Variants in ADCY5 observed in about 807,000 individuals in gnomAD.
ADCY5 encodes the protein adenylate cyclase 5.
A neutral mutation model predicts 119.7 loss-of-function variants in ADCY5; 30 were observed. The observed-to-expected ratio is 0.25, with a 90% CI of 0.19 to 0.34. The LOEUF is 0.34. Among genes scored for constraint, ADCY5 ranks in the 10% least tolerant of loss-of-function variants. The pLI is 1.00. For missense variants in ADCY5, 1,324 were observed against 1,775.2 expected, an observed-to-expected ratio of 0.75 and a Z score of 4.57; for synonymous variants, 753 against 762.2, an observed-to-expected ratio of 0.99 and a Z score of 0.20.
At chr3:123,427,065 A>G (rs1362145826) in intron 1 of ADCY5, among the ~76,000 whole-genome samples, 2 of 152,152 alleles carry the variant, frequency 1.3e-5, no homozygotes, top group African/African-American at 2.4e-5. Context: ...CATTAGGGAC[A>G]AGCTTTAGTG....
intron 1 of ADCY5, among the ~76,000 whole-genome samples, chr3:123,359,331 AATAT>A (rs57105101): frequency 0.21 from 22,486 of 109,466 alleles, 3,030 homozygotes; most frequent in Admixed American, 0.28. Flanking sequence ...CTTATACTAA[AATAT>A]ATATATATAT....
rs763313703 is a variant in ADCY5, at chr3:123,300,203, G to A, written c.2817C>T (p.Ile939=). The change falls in exon 15 of 21, where the codon ATC becomes ATT. Residue 939 remains isoleucine (I), a synonymous_variant. Transcript: ENST00000462833. Reference sequence around the variant, plus strand: ...CCACGATGAGCACGTAGATGAGCTCGATGGCCAGCATGAGCACCAGCTTCC... The same window carrying A: ...CCACGATGAGCACGTAGATGAGCTCAATGGCCAGCATGAGCACCAGCTTCC... ...CIGKLVLMLA[I]ELIYVLIVEV... The A allele has an allele frequency of 7.4e-6, 12 of 1,613,836 alleles. No individual in the cohort carries two copies. The highest frequency in any genetic ancestry group is 2.2e-5 in the East Asian group (1 of 44,884).
At chr3:123,344,914 C>T (rs944689618) in intron 3 of ADCY5, among the ~76,000 whole-genome samples, 5 of 152,218 alleles carry the variant, frequency 3.3e-5, no homozygotes, top group Admixed American at 6.5e-5. Context: ...GAGTCAGAAT[C>T]GTCTCTGTCC....
At chr3:123,311,327 G>GA (rs1444965297) in intron 12 of ADCY5, among the ~76,000 whole-genome samples, 7 of 152,242 alleles carry the variant, frequency 4.6e-5, no homozygotes, top group Non-Finnish European at 1.0e-4. Flanking sequence ...GTGAGAAAAT[G>GA]AATTTCATAC....
intron 17 of ADCY5, among the ~76,000 whole-genome samples, chr3:123,293,296 G>A (rs1939279023): frequency 6.6e-6 from 1 of 152,078 alleles, no homozygotes; most frequent in Non-Finnish European, 1.5e-5. Flanking sequence ...CCGCCTACCA[G>A]CCAACTGTAC....
At chr3:123,434,791 C>T (rs1217027128) in intron 1 of ADCY5, among the ~76,000 whole-genome samples, 1 of 152,044 alleles carries the variant, frequency 6.6e-6, no homozygotes, top group Non-Finnish European at 1.5e-5. Flanking sequence ...TTGTCTATAG[C>T]CCTACCTTCC....
intron 1 of ADCY5, among the ~76,000 whole-genome samples, chr3:123,405,762 G>A (rs1944882619): frequency 6.6e-6 from 1 of 152,126 alleles, no homozygotes; most frequent in South Asian, 2.1e-4. Flanking sequence ...AGCCTCCCAA[G>A]TAGCTGGGAC....
At chr3:123,438,272 T>C (rs1945659400) in intron 1 of ADCY5, among the ~76,000 whole-genome samples, 1 of 152,196 alleles carries the variant, frequency 6.6e-6, no homozygotes, top group Admixed American at 6.5e-5. Flanking sequence ...TGGCAAATTC[T>C]TATACCCATT....
chr3:123,379,621 T>G (rs547514155), intron 1 of ADCY5, among the ~76,000 whole-genome samples: 1 of 147,410 alleles, frequency 6.8e-6, no homozygotes, highest in Admixed American at 6.8e-5. Flanking sequence ...GAGAAGGGGG[T>G]GGGTGAGGCA....
rs1459392882 is a variant in ADCY5, at chr3:123,351,484, T to A, written c.1284+948A>T. ...CGCAGCATGCGGCACTTAGATGAGC[T>A]CCACTGATGCTTGCTGAGGGTCTGG... On this transcript the variant is annotated intron_variant, in intron 2 of 20. Transcript: ENST00000462833. 2.0e-5 allele frequency among the ~76,000 whole-genome samples: 3 copies of A among 152,286 alleles called. No individual in the cohort carries two copies. The East Asian group carries it at 5.8e-4, about 29-fold the overall frequency.
At chr3:123,365,631 G>A (rs1461554136) in intron 1 of ADCY5, among the ~76,000 whole-genome samples, 1 of 152,180 alleles carries the variant, frequency 6.6e-6, no homozygotes, top group Non-Finnish European at 1.5e-5. Context: ...TGGGTTATGA[G>A]TAATAAAGTG....
chr3:123,351,718 A>G (rs1302487631), intron 2 of ADCY5, among the ~76,000 whole-genome samples: 3 of 152,186 alleles, frequency 2.0e-5, no homozygotes, highest in Non-Finnish European at 2.9e-5. Flanking sequence ...GTGGGGATCC[A>G]GACCTGGAAT....
At chr3:123,394,224 A>C (rs1944479084) in intron 1 of ADCY5, among the ~76,000 whole-genome samples, 1 of 152,340 alleles carries the variant, frequency 6.6e-6, no homozygotes, top group Middle Eastern at 3.4e-3. Flanking sequence ...TTTGATTTTA[A>C]AACATTTCTT....
chr3:123,419,117 C>A (rs1945247390), intron 1 of ADCY5: 1 of 981,576 alleles, frequency 1.0e-6, no homozygotes, highest in African/African-American at 1.8e-5. Context: ...CCTAAGGGTT[C>A]TGTTTCTCCA....
intron 1 of ADCY5, among the ~76,000 whole-genome samples, chr3:123,429,960 G>A (rs1031349063): frequency 2.0e-5 from 3 of 152,126 alleles, no homozygotes; most frequent in East Asian, 1.9e-4. Flanking sequence ...GGGGCAGCTC[G>A]GCCTGGGAAG....
chr3:123,436,251 T>C (rs1576696162), intron 1 of ADCY5, among the ~76,000 whole-genome samples: 1 of 151,910 alleles, frequency 6.6e-6, no homozygotes, highest in Non-Finnish European at 1.5e-5. Flanking sequence ...TGTGCACCTG[T>C]AGTCCCAGCT....
chr3:123,380,149 T>C (rs1943981705), intron 1 of ADCY5, among the ~76,000 whole-genome samples: 1 of 152,154 alleles, frequency 6.6e-6, no homozygotes, highest in Non-Finnish European at 1.5e-5. Flanking sequence ...GGAGTCCAGA[T>C]TTGAACACAG....
Position 123,332,556 on chromosome 3 carries a change from T to TGAC in ADCY5, c.1518+5_1518+7dup. ...GGCCACCCCAACCCCCGGCTCAGGG[T>TGAC]GACTCACTGCGGCCAGCTTGTCAAA... On this transcript the variant is annotated splice_region_variant and intron_variant, in intron 4 of 20. Coordinates refer to ENST00000462833, the MANE Select transcript of ADCY5 (RefSeq NM_183357.3). 10 of 1,605,382 alleles carry TGAC rather than the reference T, an allele frequency of 6.2e-6. No homozygotes were observed. Among genetic ancestry groups the TGAC allele is most frequent in the Non-Finnish European group, 8.5e-6 (10 of 1,173,170 alleles).
intron 8 of ADCY5, among the ~76,000 whole-genome samples, chr3:123,322,097 G>T (rs1478171809): frequency 2.0e-5 from 3 of 152,162 alleles, no homozygotes; most frequent in African/African-American, 7.2e-5. Context: ...CTCTCCCTCT[G>T]GGGGGCAGGC....
Sources: gnomAD v4.1 joint callset for allele counts (sites outside exome capture counted in the v4.1 genomes callset) on GRCh38, gnomAD v4.1.1 for gene constraint, MANE v1.5 for transcripts, NCBI Gene and HGNC (gene_info 2026-07-23, HGNC 2026-07-21) for gene names.